The following CCL3L3 variants were observed in gnomAD, a reference collection of about 807,000 sequenced individuals.
The protein encoded by CCL3L3 is C-C motif chemokine ligand 3 like 3.
In CCL3L3, 6 loss-of-function variants were observed where a neutral mutation model predicts 9.0. The observed-to-expected ratio is 0.67, with a 90% CI of 0.37 to 1.32. The LOEUF (loss-of-function observed/expected upper bound fraction) is 1.32, where lower values mean the gene tolerates loss of function less well. CCL3L3 is among the 40% of genes most tolerant of loss of function. The pLI, the probability that CCL3L3 is intolerant of heterozygous loss-of-function variation, is 0.02. For missense variants in CCL3L3, 93 were observed against 117.0 expected, an observed-to-expected ratio of 0.79 and a Z score of 0.95; for synonymous variants, 38 against 45.7, an observed-to-expected ratio of 0.83 and a Z score of 0.68.
chr17:36,196,001 G>T (rs2068617271), intron 1 of CCL3L3, 89 bp from the exon 2 acceptor site: 2 of 1,313,960 alleles, frequency 1.5e-6, no homozygotes, highest in African/African-American at 1.6e-5. Context: ...AGGAGGGCAG[G>T]CTTGCTCAGA....
chr17:36,196,032 TG>T, intron 1 of CCL3L3, 120 bp from the exon 2 acceptor site: 5 of 1,112,666 alleles, frequency 4.5e-6, no homozygotes, highest in Non-Finnish European at 6.6e-6. Context: ...GCAAGGCATT[TG>T]GGGGGTTTTG....
In CCL3L3 at chr17:36,194,912, C is replaced by T; in HGVS notation, c.*374G>A. 4.0e-6 allele frequency: 1 copy of T among 250,298 alleles called. No individual in the cohort carries two copies. The highest frequency in any genetic ancestry group is 8.5e-6 in the Non-Finnish European group (1 of 117,912). The allele number at this position is 250,298 out of a possible 1,614,324, so 15.5% of individuals were successfully genotyped here. ...ATCTTTATTATTTCCCCAGGCCGATCACAGCCCTGAACAAAAGCATCTGAT... is the reference window on the plus strand; with the variant it reads ...ATCTTTATTATTTCCCCAGGCCGATTACAGCCCTGAACAAAAGCATCTGAT... On this transcript the variant is annotated 3_prime_UTR_variant, in exon 3 of 3. Coordinates refer to ENST00000619989, the MANE Select transcript of CCL3L3 (RefSeq NM_001001437.4).
chr17:36,196,484 C>T (rs1555542640), intron 1 of CCL3L3, 114 bp downstream of exon 1: 5 of 1,289,734 alleles, frequency 3.9e-6, no homozygotes, highest in East Asian at 2.3e-5. Context: ...TGTTTGGCAG[C>T]GCTTTAAGAA....
At chr17:36,196,117 C>A in intron 1 of CCL3L3, 1 of 670,498 alleles carries the variant, frequency 1.5e-6, no homozygotes. Context: ...CTCTGTTTCT[C>A]TATGTGATCC....
chr17:36,195,870 G>A lies in CCL3L3; in HGVS notation c.119C>T (p.Ser40Phe). 6.3e-7 allele frequency: 1 copy of A among 1,583,078 alleles called. No individual in the cohort carries two copies. The highest frequency in any genetic ancestry group is 8.6e-7 in the Non-Finnish European group (1 of 1,157,808). Residue 40 changes from serine to phenylalanine, a missense_variant, in exon 2 of 3, where the codon TCC (serine) becomes TTC (phenylalanine). Ser to Phe is a radical substitution (Grantham distance 155, BLOSUM62 -2). Coordinates refer to ENST00000619989, the MANE Select transcript of CCL3L3 (RefSeq NM_001001437.4). ...TPTACCFSYTSRQIPQNFIAD... is the reference protein window; with the variant it reads ...TPTACCFSYTFRQIPQNFIAD... ...TATGAAATTCTGTGGAATCTGTCGG[G>A]AGGTGTAGCTGAAGCAGCAGGCGGT...
At chr17:36,196,564 A>G in intron 1 of CCL3L3, 34 bp downstream of exon 1, 1 of 1,570,400 alleles carries the variant, frequency 6.4e-7, no homozygotes, top group Admixed American at 1.7e-5. Context: ...ATGGCCAGAG[A>G]GTGGTGATAC....
In CCL3L3 at chr17:36,196,638, G is replaced by C; in HGVS notation, c.36C>G (p.Leu12=). ...CCTGGTTGCAGAGAGCCATGGTGCA[G>C]AGGAGGACGGCAAGGGCAGCAGTGG... ...QVSTAALAVL[L]CTMALCNQVL... is the part of the protein sequence containing the mutation. Residue 12 remains leucine (L), a synonymous_variant, in exon 1 of 3, where the codon CTC becomes CTG. Coordinates refer to ENST00000619989, the MANE Select transcript of CCL3L3 (RefSeq NM_001001437.4). The C allele has an allele frequency of 6.3e-7, 1 of 1,581,202 alleles. No homozygotes were observed.
chr17:36,196,688 G>T lies in CCL3L3; in HGVS notation c.-15C>A. On this transcript the variant is annotated 5_prime_UTR_variant, in exon 1 of 3. Transcript: ENST00000619989. ...GAGACCTGCATGATTGGGAGCAGGT[G>T]ATGGAATGTGGGCTCGAGTGTCAGC... The T allele has an allele frequency of 1.9e-6, 3 of 1,579,826 alleles. No individual in the cohort carries two copies. The highest frequency in any genetic ancestry group is 1.7e-6 in the Non-Finnish European group (2 of 1,155,550).
intron 2 of CCL3L3, 41 bp from the exon 3 acceptor site, chr17:36,195,417 G>C: frequency 6.6e-7 from 1 of 1,518,192 alleles, no homozygotes; most frequent in Non-Finnish European, 8.9e-7. Flanking sequence ...GGGGAATCCA[G>C]CCGGGGAATC....
At chr17:36,195,508 TATCTCCGTCTA>T (rs2068611155) in intron 2 of CCL3L3, 132 bp from the exon 3 acceptor site, 1 of 1,270,926 alleles carries the variant, frequency 7.9e-7, no homozygotes, top group Admixed American at 1.7e-5. Flanking sequence ...GCCCCCTGCC[TATCTCCGTCTA>T]GAGAGCTTCT....
chr17:36,195,547 A>G (rs1321440334), intron 2 of CCL3L3, 171 bp from the exon 3 acceptor site: 3 of 1,104,456 alleles, frequency 2.7e-6, no homozygotes, highest in African/African-American at 2.8e-5. Context: ...ACTCCAGGCA[A>G]GGGGGCCCTC....
Position 36,195,356 on chromosome 17 carries a change from C to G in CCL3L3, c.212G>C (p.Arg71Pro). ...PSVIFLTKRG[R>P]QVCADPSEEW... ...CTCACTGGGGTCAGCACAGACCTGC[C>G]GGCCTCTCTTGGTTAGGAAGCTGTG... Residue 71 changes from arginine (R) to proline (P), a missense_variant, in exon 3 of 3, where the codon CGG (arginine) becomes CCG (proline). Transcript: ENST00000619989. 6.3e-7 allele frequency: 1 copy of G among 1,582,758 alleles called. No homozygotes were observed. The highest frequency in any genetic ancestry group is 8.6e-7 in the Non-Finnish European group (1 of 1,157,716).
Position 36,195,452 on chromosome 17 carries a change from C to T in CCL3L3, c.192-76G>A, listed in dbSNP as rs1256742562. On this transcript the variant is annotated intron_variant, in intron 2 of 2. Transcript: ENST00000619989. Reference sequence around the variant, plus strand: ...CCTGGGCCCACCATGGCCCTGACATCCTGCTCTCTGTCCTGGGCAGCTCAA... The same window carrying T: ...CCTGGGCCCACCATGGCCCTGACATTCTGCTCTCTGTCCTGGGCAGCTCAA... 78 of 1,523,884 alleles carry T rather than the reference C, an allele frequency of 5.1e-5. 7 individuals carry two copies. The highest frequency in any genetic ancestry group is 1.2e-4 in the Admixed American group (7 of 59,174). The allele number at this position is 1,523,884 out of a possible 1,614,324, so 94.4% of individuals were successfully genotyped here.
intron 1 of CCL3L3, 127 bp from the exon 2 acceptor site, chr17:36,196,039 T>G: frequency 1.8e-6 from 2 of 1,107,326 alleles, no homozygotes; most frequent in South Asian, 2.6e-5. Flanking sequence ...ATTTGGGGGG[T>G]TTTGCAGAGA....
chr17:36,196,526 C>G lies in CCL3L3; in HGVS notation c.76+72G>C, dbSNP rs1475380079. 2.0e-6 allele frequency: 3 copies of G among 1,508,686 alleles called. 1 individual carries two copies. 93.5% of individuals were successfully genotyped at this position (1,508,686 alleles called of 1,614,324 possible). A position where few individuals can be genotyped will look rare whatever the true frequency, so the allele number is the denominator to read the frequency against. On this transcript the variant is annotated intron_variant, in intron 1 of 2. Transcript: ENST00000619989. Reference sequence around the variant, plus strand: ...TCTTTTCTCTTCGGGGCTCTCAGGCCACAAAAAAAGACTGATGTGGTCTAA... The same window carrying G: ...TCTTTTCTCTTCGGGGCTCTCAGGCGACAAAAAAAGACTGATGTGGTCTAA...
At chr17:36,196,565 G>C (rs1448266015) in intron 1 of CCL3L3, 33 bp downstream of exon 1, 2 of 1,572,030 alleles carry the variant, frequency 1.3e-6, no homozygotes, top group East Asian at 2.2e-5. Context: ...TGGCCAGAGA[G>C]TGGTGATACC....
chr17:36,195,879 C>T lies in CCL3L3; in HGVS notation c.110G>A (p.Ser37Asn), dbSNP rs1228028153. 1.2e-5 allele frequency: 19 copies of T among 1,582,976 alleles called. No individual in the cohort carries two copies. Among genetic ancestry groups the T allele is most frequent in the Non-Finnish European group, 1.6e-5 (18 of 1,157,820 alleles). The change falls in exon 2 of 3, where the codon AGC becomes AAC. Residue 37 changes from serine (S) to asparagine (N), a missense_variant. Ser to Asn is a conservative substitution (Grantham distance 46). Transcript: ENST00000619989. ...CTGTGGAATCTGTCGGGAGGTGTAGCTGAAGCAGCAGGCGGTCGGCGTGTC... is the reference window on the plus strand; with the variant it reads ...CTGTGGAATCTGTCGGGAGGTGTAGTTGAAGCAGCAGGCGGTCGGCGTGTC... ...AADTPTACCFSYTSRQIPQNF... is the reference protein window; with the variant it reads ...AADTPTACCFNYTSRQIPQNF...
Position 36,195,344 on chromosome 17 carries a change from G to C in CCL3L3, c.224C>G (p.Ala75Gly), listed in dbSNP as rs2068609155. 1.3e-6 allele frequency: 2 copies of C among 1,582,674 alleles called. No individual in the cohort carries two copies. Among genetic ancestry groups the C allele is most frequent in the Admixed American group, 3.4e-5 (2 of 59,184 alleles). ...FLTKRGRQVC[A>G]DPSEEWVQKY... ...CTGGACCCACTCCTCACTGGGGTCA[G>C]CACAGACCTGCCGGCCTCTCTTGGT... Residue 75 changes from alanine (A) to glycine (G), a missense_variant, in exon 3 of 3, where the codon GCT (alanine) becomes GGT (glycine). Physicochemically the swap from Ala to Gly is moderately conservative, Grantham distance 60. Transcript: ENST00000619989.
intron 1 of CCL3L3, 60 bp from the exon 2 acceptor site, chr17:36,195,972 T>G (rs2068616875): frequency 6.4e-7 from 1 of 1,551,624 alleles, no homozygotes; most frequent in Non-Finnish European, 8.9e-7. Context: ...CCAGGCAGCT[T>G]CTGATCCCTG....
Sources: allele counts gnomAD v4.1 joint callset, GRCh38; gene constraint gnomAD v4.1.1; transcripts MANE v1.5; gene names NCBI Gene and HGNC (gene_info 2026-07-23, HGNC 2026-07-21).